The following KCNMA1 variants were observed in gnomAD, a reference collection of about 807,000 sequenced individuals.
The protein encoded by KCNMA1 is potassium calcium-activated channel subfamily M alpha 1.
KCNMA1 carries 29 observed loss-of-function variants against 140.0 expected under a neutral mutation model. The ratio of observed to expected loss-of-function variants is 0.21; its 90% confidence interval spans 0.15 to 0.28. KCNMA1 has a LOEUF of 0.28. KCNMA1 is among the 10% of genes least tolerant of loss of function. The probability of loss-of-function intolerance (pLI) is 1.00; values close to 1 mark genes in which losing one functional copy is unlikely to be tolerated. For synonymous variants in KCNMA1, 612 were observed against 611.9 expected (o/e 1.00, Z 0.00); for missense variants, 880 against 1,602.2 (o/e 0.55, Z 7.70).
chr10:77,489,980 C>T (rs889367362), intron 1 of KCNMA1, among the ~76,000 whole-genome samples: 2 of 152,160 alleles, frequency 1.3e-5, no homozygotes, highest in South Asian at 2.1e-4. Flanking sequence ...TTCTCAACCC[C>T]GGCACTGTTG....
intron 1 of KCNMA1, among the ~76,000 whole-genome samples, chr10:77,523,452 GAATGC>G (rs1603632577): frequency 6.6e-6 from 1 of 152,326 alleles, no homozygotes; most frequent in East Asian, 1.9e-4. Context: ...AAAACATAGG[GAATGC>G]AAGCCTGGTA....
At chr10:77,479,788 AT>A (rs2098350827) in intron 1 of KCNMA1, among the ~76,000 whole-genome samples, 2 of 152,132 alleles carry the variant, frequency 1.3e-5, no homozygotes, top group African/African-American at 4.8e-5. Flanking sequence ...GCCTGGTGAC[AT>A]TTCCTGAATT....
At chr10:77,214,531 C>T (rs138124977) in intron 3 of KCNMA1, among the ~76,000 whole-genome samples, 5 of 152,316 alleles carry the variant, frequency 3.3e-5, no homozygotes, top group Non-Finnish European at 7.4e-5. Flanking sequence ...TGGAGCTCTG[C>T]TGCCAAAATA....
chr10:77,489,823 A>G (rs190318114), intron 1 of KCNMA1, among the ~76,000 whole-genome samples: 1 of 152,368 alleles, frequency 6.6e-6, no homozygotes, highest in Admixed American at 6.5e-5. Flanking sequence ...GTGAGATGAC[A>G]GTATCAAGGT....
chr10:77,079,810 C>A, intron 12 of KCNMA1: 1 of 538,264 alleles, frequency 1.9e-6, no homozygotes, highest in South Asian at 2.0e-5. Context: ...CCAGGAGGTT[C>A]CCTATAACCT....
rs1390753036 is a variant in KCNMA1, at chr10:77,637,676, G to A, written c.-34C>T. The A allele has an allele frequency of 6.9e-7, 1 of 1,456,194 alleles. No homozygotes were observed. The highest frequency in any genetic ancestry group is 2.6e-5 in the East Asian group (1 of 38,798). 90.2% of individuals were successfully genotyped at this position (1,456,194 alleles called of 1,614,324 possible). ...ACGGGCAGCCGGCGCAGGGGCTCGG[G>A]GGAGCTCCTCCCGCCGCCAGCGCCA... On this transcript the variant is annotated 5_prime_UTR_variant, in exon 1 of 28. Transcript: ENST00000286628.
At chr10:77,460,746 A>C (rs775816087) in intron 1 of KCNMA1, among the ~76,000 whole-genome samples, 1 of 152,198 alleles carries the variant, frequency 6.6e-6, no homozygotes, top group Non-Finnish European at 1.5e-5. Flanking sequence ...ACACATGGAC[A>C]TACAGAATGG....
intron 1 of KCNMA1, among the ~76,000 whole-genome samples, chr10:77,511,644 T>C (rs962062531): frequency 3.9e-5 from 6 of 152,198 alleles, no homozygotes; most frequent in African/African-American, 1.4e-4. Context: ...TGGCATCTAG[T>C]AAGTGCTCAA....
At chr10:77,045,638 C>T (rs2095000196) in intron 14 of KCNMA1, among the ~76,000 whole-genome samples, 1 of 152,214 alleles carries the variant, frequency 6.6e-6, no homozygotes, top group Non-Finnish European at 1.5e-5. Context: ...CACGGGAAGT[C>T]ACACCTTCCT....
At chr10:77,009,625 C>A (rs2090198081) in intron 18 of KCNMA1, among the ~76,000 whole-genome samples, 1 of 152,096 alleles carries the variant, frequency 6.6e-6, no homozygotes, top group Non-Finnish European at 1.5e-5. Flanking sequence ...GGACTAAAAC[C>A]CACACTTCTT....
intron 18 of KCNMA1, 81 bp from the exon 19 acceptor site, chr10:77,001,661 G>T (rs2086517437): frequency 1.7e-6 from 2 of 1,148,076 alleles, no homozygotes; most frequent in Admixed American, 4.2e-5. Context: ...AGCTGGAAGG[G>T]AGCTGAAGGG....
rs530264834 is a variant in KCNMA1 at position 77,254,857 on chromosome 10, A to C, written c.541-3601T>G. 2.6e-5 allele frequency among the ~76,000 whole-genome samples: 4 copies of C among 152,326 alleles called. No individual in the cohort carries two copies. The East Asian group carries it at 7.7e-4, about 29-fold the overall frequency. On this transcript the variant is annotated intron_variant, in intron 2 of 27. Transcript: ENST00000286628. ...ATGGTAAAATGAGGCCAAGGAAAGCACAGTACCCCAGAAAGCAAAGCATCC... is the reference window on the plus strand; with the variant it reads ...ATGGTAAAATGAGGCCAAGGAAAGCCCAGTACCCCAGAAAGCAAAGCATCC...
At chr10:77,530,600 T>A (rs2057364936) in intron 1 of KCNMA1, among the ~76,000 whole-genome samples, 1 of 152,184 alleles carries the variant, frequency 6.6e-6, no homozygotes. Flanking sequence ...CACCATCACC[T>A]TTTCTCTGGG....
chr10:77,337,397 G>A (rs181680196), intron 2 of KCNMA1, among the ~76,000 whole-genome samples: 1 of 152,256 alleles, frequency 6.6e-6, no homozygotes, highest in African/African-American at 2.4e-5. Flanking sequence ...AAGGCAGGCG[G>A]GTCATTTGAG....
intron 1 of KCNMA1, among the ~76,000 whole-genome samples, chr10:77,412,401 T>C (rs16934716): frequency 0.012 from 1,758 of 152,258 alleles, 28 homozygotes; most frequent in African/African-American, 0.04. Flanking sequence ...TCTCGTCTGT[T>C]GAAACTGACC....
At chr10:76,981,755 G>A (rs1467011516) in intron 19 of KCNMA1, among the ~76,000 whole-genome samples, 1 of 152,060 alleles carries the variant, frequency 6.6e-6, no homozygotes, top group Non-Finnish European at 1.5e-5. Context: ...AAATCCCCTG[G>A]CACTTCTGAT....
intron 1 of KCNMA1, among the ~76,000 whole-genome samples, chr10:77,559,349 G>A (rs1179704198): frequency 6.6e-6 from 1 of 152,236 alleles, no homozygotes. Context: ...TCCAGCGACT[G>A]AAGGGTTGGA....
intron 2 of KCNMA1, among the ~76,000 whole-genome samples, chr10:77,368,747 T>C (rs2094509146): frequency 6.6e-6 from 1 of 152,236 alleles, no homozygotes; most frequent in South Asian, 2.1e-4. Flanking sequence ...TTGTTTTGTT[T>C]CATTTGCCCT....
chr10:77,132,218 T>C (rs2153989552), intron 5 of KCNMA1, among the ~76,000 whole-genome samples: 1 of 152,026 alleles, frequency 6.6e-6, no homozygotes, highest in South Asian at 2.1e-4. Context: ...ATTTTGAACA[T>C]CAAAATCTTA....
Sources: gnomAD v4.1 joint callset for allele counts (sites outside exome capture counted in the v4.1 genomes callset) on GRCh38, gnomAD v4.1.1 for gene constraint, MANE v1.5 for transcripts, NCBI Gene and HGNC (gene_info 2026-07-23, HGNC 2026-07-21) for gene names.